DAB1: variants seen among roughly 807,000 people sequenced by gnomAD.
DAB1 encodes the protein disabled homolog 1.
DAB1 carries 15 observed loss-of-function variants against 64.6 expected under a neutral mutation model. The observed-to-expected ratio is 0.23, with a 90% CI of 0.16 to 0.36. The LOEUF is 0.36. DAB1 is among the 10% of genes least tolerant of loss of function. The probability of loss-of-function intolerance (pLI) is 1.00; values close to 1 mark genes in which losing one functional copy is unlikely to be tolerated. For missense variants in DAB1, 596 were observed against 706.7 expected (o/e 0.84, Z 1.78); for synonymous variants, 235 against 251.9 (o/e 0.93, Z 0.64).
At chr1:58,119,275 A>G (rs1652592140) in intron 5 of DAB1, among the ~76,000 whole-genome samples, 1 of 151,750 alleles carries the variant, frequency 6.6e-6, no homozygotes, top group Admixed American at 6.6e-5. Flanking sequence ...TCAATTTGGC[A>G]GCAAAATCTA....
chr1:57,127,415 T>C (rs184553509), intron 4 of DAB1, among the ~76,000 whole-genome samples: 1 of 152,318 alleles, frequency 6.6e-6, no homozygotes, highest in Non-Finnish European at 1.5e-5. Context: ...CACAGGCCCT[T>C]TCATGAGGAC....
intron 4 of DAB1, among the ~76,000 whole-genome samples, chr1:58,252,663 A>G (rs1366748064): frequency 1.3e-5 from 2 of 152,196 alleles, no homozygotes; most frequent in Non-Finnish European, 2.9e-5. Flanking sequence ...AATGAGATAA[A>G]ACAGGCATGA....
At chr1:57,851,401 T>A (rs1269002848) in intron 1 of DAB1, among the ~76,000 whole-genome samples, 1 of 152,152 alleles carries the variant, frequency 6.6e-6, no homozygotes, top group African/African-American at 2.4e-5. Flanking sequence ...AAACCAGCAG[T>A]GAAAGCCCCA....
intron 7 of DAB1, among the ~76,000 whole-genome samples, chr1:57,575,384 C>T (rs1221216589): frequency 6.6e-6 from 1 of 152,146 alleles, no homozygotes; most frequent in Non-Finnish European, 1.5e-5. Context: ...CTCCTAAAAG[C>T]CCTGCGATGT....
rs1658130415 is a variant in DAB1 at position 57,136,590 on chromosome 1, A to G, written c.259T>C (p.Leu87=). 1.3e-6 allele frequency: 2 copies of G among 1,546,448 alleles called. No individual in the cohort carries two copies. The highest frequency in any genetic ancestry group is 1.8e-6 in the Non-Finnish European group (2 of 1,132,390). The change falls in exon 4 of 15, where the codon TTA becomes CTA. Residue 87 remains leucine (L), a synonymous_variant. Coordinates refer to ENST00000371236, the MANE Select transcript of DAB1 (RefSeq NM_001365792.1). Reference sequence around the variant, plus strand: ...TTGATTCCTCCAAAGGAGATGGTTAAAAAGATTTTCTGTTTGTGTTCTCCT... The same window carrying G: ...TTGATTCCTCCAAAGGAGATGGTTAGAAAGATTTTCTGTTTGTGTTCTCCT... ...SKGEHKQKIF[L]TISFGGIKIF...
chr1:57,365,328 A>G lies in DAB1; in HGVS notation c.-137+58602T>C, dbSNP rs917433073. Among the ~76,000 whole-genome samples, 9 of 142,724 alleles carry G rather than the reference A, an allele frequency of 6.3e-5. No individual in the cohort carries two copies. In the East Asian group the frequency reaches 1.6e-3, roughly 25 times the overall value. 93.6% of individuals were successfully genotyped at this position (142,724 alleles called of 152,430 possible). On this transcript the variant is annotated intron_variant, in intron 1 of 14. Coordinates refer to ENST00000371236, the MANE Select transcript of DAB1 (RefSeq NM_001365792.1). ...ACATAAACATATATTTATGTATTAT[A>G]TAAAGAATATATATAAATATATATT...
At chr1:57,996,848 T>C (rs1027787189) in intron 5 of DAB1, among the ~76,000 whole-genome samples, 1 of 152,136 alleles carries the variant, frequency 6.6e-6, no homozygotes, top group African/African-American at 2.4e-5. Context: ...TCCTTAGTGA[T>C]TCGTTTTAAT....
At chr1:58,101,750 A>C (rs10889084) in intron 5 of DAB1, among the ~76,000 whole-genome samples, 28,449 of 152,142 alleles carry the variant, frequency 0.19, 3,309 homozygotes, top group East Asian at 0.44. Flanking sequence ...AATTAACTAA[A>C]CTTTGGTTTA....
intron 1 of DAB1, among the ~76,000 whole-genome samples, chr1:58,529,932 G>C (rs1271315862): frequency 2.0e-5 from 3 of 151,922 alleles, no homozygotes; most frequent in African/African-American, 7.3e-5. Flanking sequence ...CCAGGCTGGA[G>C]TGCAGTGGCG....
At chr1:58,357,845 G>A (rs1358790778) in intron 3 of DAB1, among the ~76,000 whole-genome samples, 3 of 152,118 alleles carry the variant, frequency 2.0e-5, no homozygotes, top group African/African-American at 7.2e-5. Flanking sequence ...GGAGGAACCT[G>A]TAAAGGAGAT....
intron 2 of DAB1, among the ~76,000 whole-genome samples, chr1:57,263,321 T>G (rs1031300395): frequency 3.8e-4 from 58 of 152,214 alleles, no homozygotes; most frequent in African/African-American, 1.4e-3. Flanking sequence ...GGTTTTACCA[T>G]GCTGACCAGG....
In DAB1 at chr1:58,166,547, G is replaced by A. The variant is rs185467784; in HGVS notation, n.310-15959C>T. The stretch of plus-strand genomic sequence containing the variant: ...TATTTGTATATCCTTTCACCACTAC[G>A]TGAACATTTGAAGTGTTTCCACTTC... On this transcript the variant is annotated intron_variant and non_coding_transcript_variant, in intron 4 of 20. Transcript: ENST00000485760. 3.2e-3 allele frequency among the ~76,000 whole-genome samples: 485 copies of A among 152,068 alleles called. 1 individual carries two copies. The highest frequency in any genetic ancestry group is 5.8e-3 in the Non-Finnish European group (392 of 68,002).
At chr1:57,503,911 G>T (rs2691429) in intron 7 of DAB1, among the ~76,000 whole-genome samples, 146,442 of 152,242 alleles carry the variant, frequency 0.96, 70,666 homozygotes, top group East Asian at 1. Context: ...GTTGCAGGGG[G>T]GTCTTATCGT....
chr1:58,242,573 G>C (rs946807225), intron 4 of DAB1, among the ~76,000 whole-genome samples: 28 of 152,054 alleles, frequency 1.8e-4, no homozygotes, highest in African/African-American at 6.8e-4. Context: ...ATTTGAAGTG[G>C]TTTTTACTAA....
chr1:58,292,878 G>A (rs1661880055), intron 4 of DAB1, among the ~76,000 whole-genome samples: 1 of 152,174 alleles, frequency 6.6e-6, no homozygotes, highest in Non-Finnish European at 1.5e-5. Context: ...CAGTCTCTGT[G>A]CTTGGCACTT....
chr1:57,369,743 A>T (rs1680346132), intron 1 of DAB1, among the ~76,000 whole-genome samples: 1 of 152,146 alleles, frequency 6.6e-6, no homozygotes, highest in Non-Finnish European at 1.5e-5. Flanking sequence ...TCCTCCTCTA[A>T]AATGTGAAGG....
intron 7 of DAB1, among the ~76,000 whole-genome samples, chr1:57,496,414 A>C: frequency 6.6e-6 from 1 of 152,186 alleles, no homozygotes; most frequent in East Asian, 1.9e-4. Context: ...TGTGAGGATA[A>C]AAAAACACAC....
chr1:58,291,223 C>T (rs1294811588), intron 4 of DAB1, among the ~76,000 whole-genome samples: 1 of 152,218 alleles, frequency 6.6e-6, no homozygotes, highest in Admixed American at 6.5e-5. Context: ...AGCCTTGCGG[C>T]TGCTCATAAA....
At chr1:58,324,224 T>C (rs1319265504) in intron 4 of DAB1, among the ~76,000 whole-genome samples, 5 of 152,194 alleles carry the variant, frequency 3.3e-5, no homozygotes, top group Non-Finnish European at 5.9e-5. Flanking sequence ...GCTTCTTTAG[T>C]GGTAGACCTC....
Sources: gnomAD v4.1 joint callset for allele counts (sites outside exome capture counted in the v4.1 genomes callset) on GRCh38, gnomAD v4.1.1 for gene constraint, MANE v1.5 for transcripts, NCBI Gene and HGNC (gene_info 2026-07-23, HGNC 2026-07-21) for gene names.